The following CACNA1A variants were observed in gnomAD, a reference collection of about 807,000 sequenced individuals.
CACNA1A encodes calcium voltage-gated channel subunit alpha1 A, also known as voltage-dependent P/Q-type calcium channel subunit alpha-1A.
In CACNA1A, 57 loss-of-function variants were observed where a neutral mutation model predicts 262.4. The observed-to-expected ratio is 0.22, with a 90% CI of 0.18 to 0.27. The LOEUF is 0.27. Ranked by LOEUF, CACNA1A falls within the 10% of genes least tolerant of loss-of-function variation. CACNA1A has a pLI of 1.00. For synonymous variants in CACNA1A, 1,431 were observed against 1,419.3 expected, an observed-to-expected ratio of 1.01 and a Z score of -0.18; for missense variants, 2,526 against 3,562.8, an observed-to-expected ratio of 0.71 and a Z score of 7.41.
At chr19:13,233,833 T>C (rs1241584998) in intron 34 of CACNA1A, among the ~76,000 whole-genome samples, 2 of 152,076 alleles carry the variant, frequency 1.3e-5, no homozygotes, top group East Asian at 3.9e-4. Context: ...TCCAGCATCC[T>C]CTATAATTTG....
intron 37 of CACNA1A, chr19:13,226,405 G>A (rs914893756): frequency 6.6e-6 from 1 of 152,288 alleles, no homozygotes; most frequent in Non-Finnish European, 1.5e-5. Flanking sequence ...GTGCACAGAG[G>A]AAGGAAAGGA....
intron 38 of CACNA1A, among the ~76,000 whole-genome samples, chr19:13,223,206 A>ATTTAG (rs2055301741): frequency 1.3e-5 from 2 of 149,460 alleles, no homozygotes; most frequent in South Asian, 4.3e-4. Context: ...ATTTAATTTA[A>ATTTAG]TTTTTGAGAC....
At chr19:13,349,027 A>AAAAAAAG (rs541410353) in intron 6 of CACNA1A, among the ~76,000 whole-genome samples, 13 of 137,740 alleles carry the variant, frequency 9.4e-5, no homozygotes, top group East Asian at 6.7e-4. Context: ...AAAAAAAAAA[A>AAAAAAAG]AGAGAGACAA....
chr19:13,345,608 G>A (rs1336987291), intron 6 of CACNA1A, among the ~76,000 whole-genome samples: 1 of 151,890 alleles, frequency 6.6e-6, no homozygotes, highest in African/African-American at 2.4e-5. Flanking sequence ...AAAGTATACA[G>A]GATGTTAAAA....
chr19:13,429,206 A>ACACC (rs1491498312), intron 3 of CACNA1A, among the ~76,000 whole-genome samples: 8 of 118,478 alleles, frequency 6.8e-5, no homozygotes, highest in African/African-American at 2.4e-4. Flanking sequence ...ACACACACAC[A>ACACC]CCCCTCTTTC....
intron 1 of CACNA1A, among the ~76,000 whole-genome samples, chr19:13,469,579 G>C (rs1246150706): frequency 6.8e-6 from 1 of 146,518 alleles, no homozygotes; most frequent in African/African-American, 2.5e-5. Flanking sequence ...CTCCTGAGTA[G>C]CTGGGACTAC....
At chr19:13,270,804 G>A (rs941923267) in intron 24 of CACNA1A, among the ~76,000 whole-genome samples, 3 of 152,066 alleles carry the variant, frequency 2.0e-5, no homozygotes, top group South Asian at 4.2e-4. Flanking sequence ...TCATCCCTTC[G>A]GCCATGATAT....
chr19:13,472,768 T>C (rs550069953), intron 1 of CACNA1A, among the ~76,000 whole-genome samples: 10 of 152,312 alleles, frequency 6.6e-5, no homozygotes, highest in African/African-American at 2.4e-4. Context: ...TTTTCAGAGA[T>C]GGGGCCTTGC....
At chr19:13,369,771 T>C (rs1454690341) in intron 4 of CACNA1A, among the ~76,000 whole-genome samples, 1 of 152,218 alleles carries the variant, frequency 6.6e-6, no homozygotes, top group Non-Finnish European at 1.5e-5. Context: ...CCCAAAGTGC[T>C]GGGATTACAG....
intron 10 of CACNA1A, among the ~76,000 whole-genome samples, chr19:13,322,816 C>T (rs2058282247): frequency 6.6e-6 from 1 of 152,046 alleles, no homozygotes; most frequent in African/African-American, 2.4e-5. Flanking sequence ...GCCTGCTTCT[C>T]CTCTTATAAA....
rs539589796 is a variant in CACNA1A at position 13,239,806 on chromosome 19, C to T, written c.4951-4076G>A. Among the ~76,000 whole-genome samples the T allele has an allele frequency of 3.5e-4, 53 of 151,732 alleles. No individual in the cohort carries two copies. In the East Asian group the frequency reaches 4.1e-3, roughly 12 times the overall value. ...GGGCCAGTGTGTGTGTGTGTGCATGCGTGCATGCATGCATGACTGTATGTG... is the reference window on the plus strand; with the variant it reads ...GGGCCAGTGTGTGTGTGTGTGCATGTGTGCATGCATGCATGACTGTATGTG... On this transcript the variant is annotated intron_variant, in intron 31 of 46. Coordinates refer to ENST00000360228, the MANE Select transcript of CACNA1A (RefSeq NM_001127222.2).
intron 1 of CACNA1A, among the ~76,000 whole-genome samples, chr19:13,489,623 C>G (rs978387871): frequency 6.6e-6 from 1 of 152,182 alleles, no homozygotes; most frequent in African/African-American, 2.4e-5. Context: ...GAGACAAACA[C>G]CTTAGGGGAG....
chr19:13,347,668 C>T (rs1381720040), intron 6 of CACNA1A, among the ~76,000 whole-genome samples: 1 of 152,176 alleles, frequency 6.6e-6, no homozygotes, highest in Non-Finnish European at 1.5e-5. Context: ...CTGCTGTCTG[C>T]CCTTTTTATC....
At chr19:13,477,734 T>C (rs1467981598) in intron 1 of CACNA1A, among the ~76,000 whole-genome samples, 1 of 152,212 alleles carries the variant, frequency 6.6e-6, no homozygotes, top group Non-Finnish European at 1.5e-5. Flanking sequence ...CAAACTCTCA[T>C]CCACTCTCAC....
At chr19:13,429,531 C>CAAA (rs35308275) in intron 3 of CACNA1A, among the ~76,000 whole-genome samples, 7 of 57,212 alleles carry the variant, frequency 1.2e-4, no homozygotes, top group African/African-American at 2.7e-4. Flanking sequence ...TCAAAGCGTC[C>CAAA]AAAAAAAAAA....
Position 13,317,222 on chromosome 19 carries a change from A to G in CACNA1A, c.1445T>C (p.Met482Thr), listed in dbSNP as rs762707417. 1 of 1,613,704 alleles carries G rather than the reference A, an allele frequency of 6.2e-7. No homozygotes were observed. The highest frequency in any genetic ancestry group is 1.1e-5 in the South Asian group (1 of 91,050). Residue 482 changes from methionine (M) to threonine (T), a missense_variant, in exon 11 of 47, where the codon ATG becomes ACG. Met to Thr is a moderately conservative substitution (Grantham distance 81, BLOSUM62 -1). Coordinates refer to ENST00000360228, the MANE Select transcript of CACNA1A (RefSeq NM_001127222.2). ...CCAGTAGAAGGCCTGAGTTTTGACC[A>G]TGCGGCGGATGTAGAAACGCATCCT... ...ERRMRFYIRR[M>T]VKTQAFYWTV... is the part of the protein sequence containing the mutation.
At chr19:13,352,696 C>T (rs2058934593) in intron 6 of CACNA1A, among the ~76,000 whole-genome samples, 1 of 152,190 alleles carries the variant, frequency 6.6e-6, no homozygotes, top group Non-Finnish European at 1.5e-5. Context: ...AAACATCTGC[C>T]TGGCTTCCTC....
chr19:13,428,084 T>A (rs11085849), intron 3 of CACNA1A, among the ~76,000 whole-genome samples: 5 of 151,962 alleles, frequency 3.3e-5, no homozygotes, highest in African/African-American at 1.2e-4. Context: ...CCTGCCACCA[T>A]GCCTGGCTAA....
intron 30 of CACNA1A, among the ~76,000 whole-genome samples, chr19:13,249,808 C>T (rs373837131): frequency 4.4e-5 from 4 of 90,022 alleles, no homozygotes; most frequent in East Asian, 8.4e-4. Flanking sequence ...TTATATAGGA[C>T]GAGGCAAGAT....
Sources: gnomAD v4.1 joint callset for allele counts (sites outside exome capture counted in the v4.1 genomes callset) on GRCh38, gnomAD v4.1.1 for gene constraint, MANE v1.5 for transcripts, NCBI Gene and HGNC (gene_info 2026-07-23, HGNC 2026-07-21) for gene names.